The following NCAPG2 variants were observed in gnomAD, a reference collection of about 807,000 sequenced individuals.
NCAPG2 encodes condensin-2 complex subunit G2.
NCAPG2 carries 53 observed loss-of-function variants against 141.1 expected under a neutral mutation model. That is an observed-to-expected ratio of 0.38 (90% CI 0.30 to 0.47). The LOEUF (loss-of-function observed/expected upper bound fraction) is 0.47, where lower values mean the gene tolerates loss of function less well. NCAPG2 is among the 20% of genes least tolerant of loss of function. NCAPG2 has a pLI of 0.99. For missense variants in NCAPG2, 1,087 were observed against 1,389.0 expected, an observed-to-expected ratio of 0.78 and a Z score of 3.46; for synonymous variants, 499 against 490.7, an observed-to-expected ratio of 1.02 and a Z score of -0.22.
At position 158,646,448 on chromosome 7, in the gene NCAPG2, GA is replaced by G. The variant is rs765552858; in HGVS notation, c.3179+11del. ...GATGAGCATTTCAGGACAGTAAAGAGAAAGTGATTACCTGACCACATTCGAA... is the reference window on the plus strand; with the variant it reads ...GATGAGCATTTCAGGACAGTAAAGAGAAGTGATTACCTGACCACATTCGAA... On this transcript the variant is annotated intron_variant, in intron 25 of 27. Coordinates refer to ENST00000356309, the MANE Select transcript of NCAPG2 (RefSeq NM_017760.7). The G allele has an allele frequency of 2.5e-6, 4 of 1,581,422 alleles. No individual in the cohort carries two copies. The East Asian group carries it at 9.1e-5, about 36-fold the overall frequency.
chr7:158,646,136 T>C (rs142993165), intron 25 of NCAPG2, among the ~76,000 whole-genome samples: 14 of 152,338 alleles, frequency 9.2e-5, no homozygotes, highest in Non-Finnish European at 1.9e-4. Context: ...GTCAAGTGTT[T>C]TGAAAGCACA....
chr7:158,635,342 C>T, intron 27 of NCAPG2, among the ~76,000 whole-genome samples: 1 of 151,808 alleles, frequency 6.6e-6, no homozygotes, highest in South Asian at 2.1e-4. Flanking sequence ...AAAAGAGAGG[C>T]CATTTTCAGG....
At chr7:158,686,305 ATTT>A in intron 7 of NCAPG2, 64 bp from the exon 8 acceptor site, 1 of 957,028 alleles carries the variant, frequency 1.0e-6, no homozygotes, top group South Asian at 1.7e-5. Context: ...AACATGTATC[ATTT>A]CAGCTACTCT....
intron 27 of NCAPG2, among the ~76,000 whole-genome samples, chr7:158,634,501 T>C (rs1308482690): frequency 2.6e-5 from 4 of 152,184 alleles, no homozygotes; most frequent in African/African-American, 9.7e-5. Flanking sequence ...ATTGTCAAAC[T>C]ATGGTTGGTT....
chr7:158,688,476 AAT>A (rs1187731587), intron 6 of NCAPG2, among the ~76,000 whole-genome samples: 1 of 152,198 alleles, frequency 6.6e-6, no homozygotes, highest in Non-Finnish European at 1.5e-5. Context: ...ATCCATCATT[AAT>A]TTCTTCACTC....
At chr7:158,672,790 C>A (rs1456721233) in intron 12 of NCAPG2, among the ~76,000 whole-genome samples, 1 of 152,178 alleles carries the variant, frequency 6.6e-6, no homozygotes, top group Non-Finnish European at 1.5e-5. Flanking sequence ...TGGACACCGG[C>A]CACCGGCCAC....
In NCAPG2 at chr7:158,689,726, C is replaced by T. The variant is rs1040115160; in HGVS notation, c.672+93G>A. On this transcript the variant is annotated intron_variant, in intron 6 of 27. Transcript: ENST00000356309. ...ATAGCTCCTGGTAGCTAAGCAACACCGAGCATGGTGCAGACAGGAACCATG... is the reference window on the plus strand; with the variant it reads ...ATAGCTCCTGGTAGCTAAGCAACACTGAGCATGGTGCAGACAGGAACCATG... 45 of 1,200,734 alleles carry T rather than the reference C, an allele frequency of 3.7e-5. No homozygotes were observed. In the Admixed American group the frequency reaches 8.7e-4, roughly 23 times the overall value. 74.4% of individuals were successfully genotyped at this position (1,200,734 alleles called of 1,614,324 possible). A position where few individuals can be genotyped will look rare whatever the true frequency, so the allele number is the denominator to read the frequency against.
rs1835813361 is a variant in NCAPG2 at position 158,701,823 on chromosome 7, T to C, written c.77A>G (p.Asp26Gly). 6.2e-7 allele frequency: 1 copy of C among 1,612,104 alleles called. No homozygotes were observed. The change falls in exon 2 of 28, where the codon GAT (aspartate) becomes GGT (glycine). Residue 26 changes from aspartate to glycine, a missense_variant and splice_region_variant. Coordinates refer to ENST00000356309, the MANE Select transcript of NCAPG2 (RefSeq NM_017760.7). ...ACAAAACTAAAACATGAAACTTACA[T>C]CAAGTTGAACAAATTGCAAAAACTC... ...VGEFLQFVQLDKEASDPFSLN... is the reference protein window; with the variant it reads ...VGEFLQFVQLGKEASDPFSLN...
chr7:158,657,769 G>A (rs1832107395), intron 17 of NCAPG2, among the ~76,000 whole-genome samples: 1 of 152,184 alleles, frequency 6.6e-6, no homozygotes, highest in Non-Finnish European at 1.5e-5. Flanking sequence ...TCTGTAGAAA[G>A]AAGTAGACAT....
At chr7:158,642,712 C>T (rs1753857371) in intron 27 of NCAPG2, among the ~76,000 whole-genome samples, 1 of 151,724 alleles carries the variant, frequency 6.6e-6, no homozygotes, top group East Asian at 1.9e-4. Flanking sequence ...CTTCGGAAAA[C>T]AGAAAAAGAA....
intron 13 of NCAPG2, among the ~76,000 whole-genome samples, chr7:158,669,495 G>C (rs1234720444): frequency 6.6e-6 from 1 of 152,038 alleles, no homozygotes; most frequent in African/African-American, 2.4e-5. Flanking sequence ...GGGCGCAGTG[G>C]CTCACGCCCA....
At chr7:158,666,957 G>C (rs1329135592) in intron 13 of NCAPG2, among the ~76,000 whole-genome samples, 1 of 152,072 alleles carries the variant, frequency 6.6e-6, no homozygotes, top group Non-Finnish European at 1.5e-5. Flanking sequence ...ACCCATTACT[G>C]AGGTGTGCAC....
At chr7:158,702,050 C>T (rs1835834096) in intron 1 of NCAPG2, 112 bp from the exon 2 acceptor site, 4 of 586,120 alleles carry the variant, frequency 6.8e-6, no homozygotes, top group Non-Finnish European at 1.2e-5. Context: ...CCACGTATGG[C>T]AGACAGTTTC....
chr7:158,650,784 T>G (rs758597722), intron 24 of NCAPG2, 48 bp downstream of exon 24: 1 of 1,559,792 alleles, frequency 6.4e-7, no homozygotes, highest in Non-Finnish European at 8.6e-7. Context: ...AACACCATCT[T>G]GTGTCATCAA....
At chr7:158,680,386 A>G (rs993021171) in intron 10 of NCAPG2, among the ~76,000 whole-genome samples, 4 of 152,176 alleles carry the variant, frequency 2.6e-5, no homozygotes, top group Non-Finnish European at 5.9e-5. Context: ...GTTAGATCTC[A>G]AGGATCTGGA....
intron 27 of NCAPG2, among the ~76,000 whole-genome samples, chr7:158,638,209 CT>C (rs1830419753): frequency 6.6e-6 from 1 of 152,130 alleles, no homozygotes; most frequent in African/African-American, 2.4e-5. Context: ...TGGTTTTGGT[CT>C]TCTCCTGGAA....
intron 13 of NCAPG2, chr7:158,667,054 G>C: frequency 1.1e-6 from 1 of 877,954 alleles, no homozygotes; most frequent in Non-Finnish European, 1.4e-6. Context: ...CTGTCCTCTG[G>C]CCAGCCAGAC....
chr7:158,664,600 C>A lies in NCAPG2; in HGVS notation c.1630G>T (p.Val544Leu), dbSNP rs1358615972. 1.2e-6 allele frequency: 2 copies of A among 1,613,976 alleles called. No homozygotes were observed. The highest frequency in any genetic ancestry group is 2.7e-5 in the African/African-American group (2 of 74,884). Residue 544 changes from valine (V) to leucine (L), a missense_variant, in exon 14 of 28, where the codon GTG becomes TTG. Coordinates refer to ENST00000356309, the MANE Select transcript of NCAPG2 (RefSeq NM_017760.7). ...CTGGCAGCGGCGTGGTTCATCTGCA[C>A]CAGGGTGACACAGCGCTCGCACCAG... ...EVWCERCVTL[V>L]QMNHAAARRF...
chr7:158,653,371 A>T lies in NCAPG2; in HGVS notation c.2747-891T>A, dbSNP rs202181765. Reference sequence around the variant, plus strand: ...CAGAGAAAGACTTGGTCTCAAAAAAAAAAAAATAAAAAAAAAAATAATAAT... The same window carrying T: ...CAGAGAAAGACTTGGTCTCAAAAAATAAAAAATAAAAAAAAAAATAATAAT... On this transcript the variant is annotated intron_variant, in intron 22 of 27. Transcript: ENST00000356309. Among the ~76,000 whole-genome samples, 839 of 92,744 alleles carry T rather than the reference A, an allele frequency of 9.0e-3. 47 individuals are homozygous for T. In the East Asian group the frequency reaches 0.17, roughly 19 times the overall value. 60.8% of individuals were successfully genotyped at this position (92,744 alleles called of 152,430 possible). A position where few individuals can be genotyped will look rare whatever the true frequency, so the allele number is the denominator to read the frequency against.
Sources: allele counts gnomAD v4.1 joint callset (sites outside exome capture counted in the v4.1 genomes callset), GRCh38; gene constraint gnomAD v4.1.1; transcripts MANE v1.5; gene names NCBI Gene and HGNC (gene_info 2026-07-23, HGNC 2026-07-21).